DNAAF19: variants seen among roughly 807,000 people sequenced by gnomAD.
The protein encoded by DNAAF19 is coiled-coil domain containing 103.
the DNAAF19 span, chr17:44,902,384 C>A: frequency 6.2e-7 from 1 of 1,614,086 alleles, no homozygotes; most frequent in African/African-American, 1.3e-5. Flanking sequence ...CCCCTCCAGC[C>A]CGAGACGTCT....
chr17:44,904,862 T>G, the DNAAF19 span: 14 of 1,550,668 alleles, frequency 9.0e-6, no homozygotes, highest in African/African-American at 1.4e-5. Flanking sequence ...CATCTACTAT[T>G]GCTGGAGGCA....
At chr17:44,904,929 C>T in the DNAAF19 span, 1 of 1,550,640 alleles carries the variant, frequency 6.4e-7, no homozygotes, top group Non-Finnish European at 8.7e-7. Flanking sequence ...CACTACCCAG[C>T]CTCGTTCTCA....
chr17:44,902,879 TGGG>T, the DNAAF19 span: 98 of 1,455,194 alleles, frequency 6.7e-5, no homozygotes, highest in African/African-American at 1.3e-3. Flanking sequence ...GTTGTTGTCT[TGGG>T]GGTTCTGCAG....
the DNAAF19 span, chr17:44,901,520 G>A: frequency 6.2e-7 from 1 of 1,614,060 alleles, no homozygotes. Context: ...TTGCCTACAG[G>A]GGTATTGTCC....
the DNAAF19 span, chr17:44,901,208 C>G: frequency 6.4e-7 from 1 of 1,554,908 alleles, no homozygotes; most frequent in Non-Finnish European, 8.7e-7. Flanking sequence ...ACTCTGAAAT[C>G]AAACCATTCT....
the DNAAF19 span, chr17:44,902,912 C>T: frequency 2.1e-6 from 3 of 1,434,840 alleles, no homozygotes; most frequent in Non-Finnish European, 2.7e-6. Flanking sequence ...AAGAAACCCA[C>T]ACCTGGTTCC....
chr17:44,904,449 C>T, the DNAAF19 span: 1 of 1,542,562 alleles, frequency 6.5e-7, no homozygotes, highest in South Asian at 1.2e-5. Context: ...TACCTCAAGG[C>T]CGTGCCCGAT....
chr17:44,904,881 T>A, the DNAAF19 span: 2 of 1,550,658 alleles, frequency 1.3e-6, no homozygotes, highest in Non-Finnish European at 1.7e-6. Flanking sequence ...CAGGGTGTGC[T>A]AGTTGCTGGC....
chr17:44,901,544 G>T, the DNAAF19 span: 1 of 1,614,108 alleles, frequency 6.2e-7, no homozygotes, highest in Non-Finnish European at 8.5e-7. Context: ...CATCACATCT[G>T]AAGCCACTGG....
At chr17:44,903,895 G>T in the DNAAF19 span, 1 of 1,550,658 alleles carries the variant, frequency 6.4e-7, no homozygotes, top group Non-Finnish European at 8.7e-7. Flanking sequence ...AAATTGTGGA[G>T]AAGGAAAACA....
At chr17:44,902,735 A>G in the DNAAF19 span, 1 of 1,610,756 alleles carries the variant, frequency 6.2e-7, no homozygotes, top group Non-Finnish European at 8.5e-7. Flanking sequence ...TGGGAGGAGC[A>G]GGGTCTGGAG....
At chr17:44,905,305 G>A in the DNAAF19 span, 1 of 541,546 alleles carries the variant, frequency 1.8e-6, no homozygotes, top group Non-Finnish European at 3.4e-6. Context: ...GGGCACATGT[G>A]TTTCCTGACT....
chr17:44,903,918 C>A, the DNAAF19 span: 5 of 1,550,492 alleles, frequency 3.2e-6, no homozygotes, highest in Non-Finnish European at 4.4e-6. Context: ...TTTCAGAGGA[C>A]CCCCTGCCCT....
At chr17:44,904,476 C>T in the DNAAF19 span, 1 of 1,547,138 alleles carries the variant, frequency 6.5e-7, no homozygotes, top group Non-Finnish European at 8.7e-7. Context: ...TCTTGTGGCT[C>T]AAGGGCTGTG....
the DNAAF19 span, chr17:44,901,671 C>T: frequency 1.2e-6 from 2 of 1,612,442 alleles, no homozygotes; most frequent in Middle Eastern, 1.7e-4. Context: ...GGCCCTGCCC[C>T]TTTAGTCCAG....
chr17:44,902,573 C>T, the DNAAF19 span: 15 of 1,614,184 alleles, frequency 9.3e-6, no homozygotes, highest in African/African-American at 5.3e-5. Context: ...GACCGGGCAG[C>T]GGTGCTGGGG....
At chr17:44,902,419 C>T in the DNAAF19 span, 26 of 1,614,102 alleles carry the variant, frequency 1.6e-5, no homozygotes, top group Non-Finnish European at 2.0e-5. Context: ...TGATTGGCGA[C>T]GACACTTGCC....
At chr17:44,902,586 C>T in the DNAAF19 span, 1 of 1,614,180 alleles carries the variant, frequency 6.2e-7, no homozygotes, top group South Asian at 1.1e-5. Context: ...TGCTGGGGAT[C>T]CTATGCAGCC....
chr17:44,901,172 C>A, the DNAAF19 span: 1 of 1,599,128 alleles, frequency 6.3e-7, no homozygotes, highest in African/African-American at 1.4e-5. Context: ...CTCAGGCCCT[C>A]CTGTTATGGT....
Sources: gnomAD v4.1 joint callset for allele counts on GRCh38, gnomAD v4.1.1 for gene constraint, MANE v1.5 for transcripts, NCBI Gene and HGNC (gene_info 2026-07-23, HGNC 2026-07-21) for gene names.